Variants in SMG6 observed in about 807,000 individuals in gnomAD.
The protein encoded by SMG6 is telomerase-binding protein EST1A.
SMG6 carries 66 observed loss-of-function variants against 142.2 expected under a neutral mutation model. That is an observed-to-expected ratio of 0.46 (90% CI 0.38 to 0.57). The LOEUF is 0.57. Among genes scored for constraint, SMG6 ranks in the 20% least tolerant of loss-of-function variants. SMG6 has a pLI of 0.00. For synonymous variants in SMG6, 779 were observed against 702.4 expected (o/e 1.11, Z -1.72); for missense variants, 1,793 against 1,832.0 (o/e 0.98, Z 0.39).
intron 16 of SMG6, chr17:2,066,047 G>A (rs1354917552): frequency 4.0e-6 from 1 of 252,236 alleles, no homozygotes; most frequent in East Asian, 8.8e-5. Context: ...AGCAGCTCGA[G>A]GGAAAGGGAG....
intron 10 of SMG6, 150 bp from the exon 11 acceptor site, chr17:2,188,665 T>C (rs2072067518): frequency 3.1e-6 from 2 of 637,830 alleles, no homozygotes; most frequent in Middle Eastern, 2.6e-4. Flanking sequence ...AGAAAATGCA[T>C]GTGAAGCACT....
intron 8 of SMG6, chr17:2,265,898 A>G: frequency 2.8e-6 from 2 of 724,862 alleles, no homozygotes; most frequent in Non-Finnish European, 3.4e-6. Flanking sequence ...AATCTTAAAG[A>G]ATGAAATATG....
chr17:2,181,217 T>C (rs1597539227), intron 12 of SMG6, among the ~76,000 whole-genome samples: 1 of 152,192 alleles, frequency 6.6e-6, no homozygotes, highest in East Asian at 1.9e-4. Context: ...GGAAGCTACA[T>C]GAGAATATGG....
Position 2,114,961 on chromosome 17 carries a change from A to AAAT in SMG6, c.3358-29063_3358-29061dup, listed in dbSNP as rs1567609058. Among the ~76,000 whole-genome samples, 7 of 59,538 alleles carry AAAT rather than the reference A, an allele frequency of 1.2e-4. No homozygotes were observed. In the South Asian group the frequency reaches 1.2e-3, roughly 10 times the overall value. 39.1% of individuals were successfully genotyped at this position (59,538 alleles called of 152,430 possible). Reference sequence around the variant, plus strand: ...TAAAATAAAATAAAATAAAAAAATGAAATGAAATGAAATAAAATAAAATAA... The same window carrying AAAT: ...TAAAATAAAATAAAATAAAAAAATGAAATAATGAAATGAAATAAAATAAAATAA... On this transcript the variant is annotated intron_variant, in intron 13 of 18. Transcript: ENST00000263073.
chr17:2,273,642 T>A (rs1184645600), intron 8 of SMG6, among the ~76,000 whole-genome samples: 2 of 151,032 alleles, frequency 1.3e-5, no homozygotes, highest in Non-Finnish European at 3.0e-5. Context: ...CAAAAACAAA[T>A]AAATAAATAA....
chr17:2,175,000 G>A lies in SMG6; in HGVS notation c.3156-2141C>T, dbSNP rs141619885. On this transcript the variant is annotated intron_variant, in intron 12 of 18. Transcript: ENST00000263073. ...CCCTGATAGTTTATCCTCCGGTCCC[G>A]GCTGCAGAGACAAGCACCGGATGTG... is the stretch of plus-strand genomic sequence containing the variant. Among the ~76,000 whole-genome samples, 8 of 152,228 alleles carry A rather than the reference G, an allele frequency of 5.3e-5. No homozygotes were observed. The South Asian group carries it at 1.0e-3, about 20-fold the overall frequency.
chr17:2,213,626 T>C (rs1343340458), intron 10 of SMG6: 1 of 152,234 alleles, frequency 6.6e-6, no homozygotes, highest in Non-Finnish European at 1.5e-5. Context: ...CTTTTATTTT[T>C]AAATGCTTAT....
At chr17:2,109,397 G>A (rs1318469688) in intron 13 of SMG6, among the ~76,000 whole-genome samples, 1 of 152,148 alleles carries the variant, frequency 6.6e-6, no homozygotes, top group Admixed American at 6.5e-5. Flanking sequence ...GTAAGTAGCT[G>A]TGATTATAGG....
intron 8 of SMG6, among the ~76,000 whole-genome samples, chr17:2,257,213 G>A (rs1322346597): frequency 6.6e-6 from 1 of 151,962 alleles, no homozygotes; most frequent in African/African-American, 2.4e-5. Flanking sequence ...AGCCTCCCGA[G>A]TAGCTGGGAC....
At chr17:2,067,007 G>T (rs1055371401) in intron 16 of SMG6, among the ~76,000 whole-genome samples, 1 of 152,164 alleles carries the variant, frequency 6.6e-6, no homozygotes, top group African/African-American at 2.4e-5. Context: ...GGCACAGGAC[G>T]TGAGTCTACC....
rs1290022139 is a variant in SMG6, at chr17:2,060,343, G to A, written c.*1149C>T. ...CCCCTGTGTCAGTGTCAGTTTTTCCGGGGAGTGAGGGCAAAGCTAGAAACC... is the reference window on the plus strand; with the variant it reads ...CCCCTGTGTCAGTGTCAGTTTTTCCAGGGAGTGAGGGCAAAGCTAGAAACC... On this transcript the variant is annotated 3_prime_UTR_variant, in exon 19 of 19. Coordinates refer to ENST00000263073, the MANE Select transcript of SMG6 (RefSeq NM_017575.5). 5 of 152,254 alleles carry A rather than the reference G, an allele frequency of 3.3e-5. No homozygotes were observed. The highest frequency in any genetic ancestry group is 1.2e-4 in the African/African-American group (5 of 41,454). The allele number at this position is 152,254 out of a possible 1,614,324, so 9.4% of individuals were successfully genotyped here. A position where few individuals can be genotyped will look rare whatever the true frequency, so the allele number is the denominator to read the frequency against.
At position 2,303,673 on chromosome 17, in the gene SMG6, G is replaced by C; in HGVS notation, c.48C>G (p.Arg16=). Residue 16 remains arginine, a synonymous_variant, in exon 1 of 19, where the codon CGC becomes CGG. Coordinates refer to ENST00000263073, the MANE Select transcript of SMG6 (RefSeq NM_017575.5). ...ERVRISASEL[R]GILATLAPQA... ...GCGGGGCCAGAGTAGCCAGGATCCC[G>C]CGCAGCTCCGACGCGGAGATCCGCA... The C allele has an allele frequency of 6.7e-7, 1 of 1,495,506 alleles. No homozygotes were observed. The highest frequency in any genetic ancestry group is 1.3e-5 in the South Asian group (1 of 79,990). The allele number at this position is 1,495,506 out of a possible 1,614,324, so 92.6% of individuals were successfully genotyped here. A position where few individuals can be genotyped will look rare whatever the true frequency, so the allele number is the denominator to read the frequency against.
chr17:2,066,045 G>A (rs1211538389), intron 16 of SMG6: 3 of 252,638 alleles, frequency 1.2e-5, no homozygotes, highest in Middle Eastern at 1.5e-3. Context: ...GCAGCAGCTC[G>A]AGGGAAAGGG....
chr17:2,145,686 A>G (rs1156411914), intron 13 of SMG6, among the ~76,000 whole-genome samples: 1 of 146,330 alleles, frequency 6.8e-6, no homozygotes, highest in Non-Finnish European at 1.5e-5. Context: ...TTACCTTTGC[A>G]TCAGAAGCCA....
intron 10 of SMG6, among the ~76,000 whole-genome samples, chr17:2,217,798 C>T (rs2073058642): frequency 6.6e-6 from 1 of 151,912 alleles, no homozygotes; most frequent in African/African-American, 2.4e-5. Context: ...ATAACAAGGT[C>T]AGGAGATCGA....
intron 10 of SMG6, among the ~76,000 whole-genome samples, chr17:2,228,517 G>A (rs904626176): frequency 3.9e-5 from 6 of 152,144 alleles, no homozygotes; most frequent in Admixed American, 3.9e-4. Flanking sequence ...GTGAGCCATC[G>A]CGCCCGGCCT....
At chr17:2,135,714 T>C (rs761253581) in intron 13 of SMG6, among the ~76,000 whole-genome samples, 2 of 152,128 alleles carry the variant, frequency 1.3e-5, no homozygotes, top group Non-Finnish European at 2.9e-5. Context: ...ATTGAAACAG[T>C]GTTCTCACTC....
At chr17:2,131,581 T>C (rs2070123721) in intron 13 of SMG6, among the ~76,000 whole-genome samples, 1 of 152,164 alleles carries the variant, frequency 6.6e-6, no homozygotes, top group Non-Finnish European at 1.5e-5. Flanking sequence ...ATTCCAGGCA[T>C]GAGCCCCCAT....
chr17:2,161,474 C>T (rs562686876), intron 13 of SMG6, among the ~76,000 whole-genome samples: 2 of 151,270 alleles, frequency 1.3e-5, no homozygotes, highest in African/African-American at 2.4e-5. Flanking sequence ...TGCAATGGTG[C>T]GACCTCGGCT....
Sources: gnomAD v4.1 joint callset for allele counts (sites outside exome capture counted in the v4.1 genomes callset) on GRCh38, gnomAD v4.1.1 for gene constraint, MANE v1.5 for transcripts, NCBI Gene and HGNC (gene_info 2026-07-23, HGNC 2026-07-21) for gene names.